Variants in MYO5A observed in about 807,000 individuals in gnomAD.
MYO5A encodes unconventional myosin-Va.
In MYO5A, 98 loss-of-function variants were observed where a neutral mutation model predicts 249.7. That is an observed-to-expected ratio of 0.39 (90% CI 0.33 to 0.46). The LOEUF (loss-of-function observed/expected upper bound fraction) is 0.46, where lower values mean the gene tolerates loss of function less well. Ranked by LOEUF, MYO5A falls within the 20% of genes least tolerant of loss-of-function variation. MYO5A has a pLI of 0.98. For missense variants in MYO5A, 1,696 were observed against 2,308.8 expected, an observed-to-expected ratio of 0.73 and a Z score of 5.44; for synonymous variants, 778 against 810.6, an observed-to-expected ratio of 0.96 and a Z score of 0.68.
intron 1 of MYO5A, among the ~76,000 whole-genome samples, chr15:52,458,645 AAAT>A (rs1371690781): frequency 6.6e-6 from 1 of 152,040 alleles, no homozygotes; most frequent in African/African-American, 2.4e-5. Context: ...AATAAAAAAG[AAAT>A]AATAAATGTT....
chr15:52,516,023 ATATAT>A (rs906267638), intron 1 of MYO5A, among the ~76,000 whole-genome samples: 1 of 152,214 alleles, frequency 6.6e-6, no homozygotes, highest in African/African-American at 2.4e-5. Flanking sequence ...GCATTTCTTA[ATATAT>A]TATAAGTCAG....
intron 1 of MYO5A, among the ~76,000 whole-genome samples, chr15:52,515,213 A>G (rs755983126): frequency 2.6e-5 from 4 of 151,844 alleles, no homozygotes; most frequent in Non-Finnish European, 4.4e-5. Context: ...CAAGGTCGAG[A>G]CTGCAGTGAG....
intron 1 of MYO5A, among the ~76,000 whole-genome samples, chr15:52,451,850 C>T (rs2076026698): frequency 6.6e-6 from 1 of 152,196 alleles, no homozygotes; most frequent in African/African-American, 2.4e-5. Flanking sequence ...GTTACGTTTT[C>T]TCAGATAACC....
intron 1 of MYO5A, chr15:52,505,773 T>G: frequency 6.4e-7 from 1 of 1,561,746 alleles, no homozygotes; most frequent in Non-Finnish European, 8.7e-7. Context: ...TTGAGGATGA[T>G]AAAGTTGGAA....
intron 29 of MYO5A, among the ~76,000 whole-genome samples, chr15:52,347,485 T>C (rs1349243616): frequency 6.6e-6 from 1 of 152,228 alleles, no homozygotes; most frequent in East Asian, 1.9e-4. Flanking sequence ...TGTCTGATTC[T>C]TTAGTAAACA....
chr15:52,433,412 A>AATT, intron 1 of MYO5A, 127 bp from the exon 2 acceptor site: 2 of 362,200 alleles, frequency 5.5e-6, no homozygotes, highest in Non-Finnish European at 9.9e-6. Flanking sequence ...CATGAAATTC[A>AATT]CTTTTTTTTT....
chr15:52,325,904 A>C (rs1280272549), intron 36 of MYO5A, among the ~76,000 whole-genome samples: 1 of 152,218 alleles, frequency 6.6e-6, no homozygotes, highest in Non-Finnish European at 1.5e-5. Flanking sequence ...TTTTTGCAAT[A>C]AACAAGCTGT....
intron 1 of MYO5A, among the ~76,000 whole-genome samples, chr15:52,470,308 TAGGGTTCTA>T (rs2076433845): frequency 6.6e-6 from 1 of 152,162 alleles, no homozygotes; most frequent in South Asian, 2.1e-4. Context: ...GTTGAATTCA[TAGGGTTCTA>T]GGTGGCCAGG....
intron 5 of MYO5A, among the ~76,000 whole-genome samples, 166 bp from the exon 6 acceptor site, chr15:52,410,642 A>G (rs1362701739): frequency 6.8e-6 from 1 of 146,102 alleles, no homozygotes; most frequent in Non-Finnish European, 1.5e-5. Flanking sequence ...GCTGGAGTGC[A>G]GTGGCACAAT....
intron 1 of MYO5A, among the ~76,000 whole-genome samples, chr15:52,497,958 C>T (rs1046047918): frequency 2.6e-5 from 4 of 151,806 alleles, no homozygotes; most frequent in South Asian, 2.1e-4. Context: ...AGTGTTGCTT[C>T]GAGGGAAATT....
chr15:52,335,908 C>T (rs1199792044), intron 34 of MYO5A, among the ~76,000 whole-genome samples: 3 of 152,174 alleles, frequency 2.0e-5, no homozygotes, highest in Non-Finnish European at 4.4e-5. Context: ...TACTATGCGT[C>T]AGTAACTTTT....
At chr15:52,377,145 C>T (rs926887399) in intron 18 of MYO5A, among the ~76,000 whole-genome samples, 2 of 152,128 alleles carry the variant, frequency 1.3e-5, no homozygotes, top group East Asian at 1.9e-4. Flanking sequence ...ACAAATTGGC[C>T]GGGTGTAGTG....
chr15:52,495,030 T>C (rs1230467436), intron 1 of MYO5A, among the ~76,000 whole-genome samples: 1 of 152,214 alleles, frequency 6.6e-6, no homozygotes, highest in Non-Finnish European at 1.5e-5. Flanking sequence ...ATTCTTGAGA[T>C]ATATGATATA....
At chr15:52,321,989 C>G (rs1311129530) in intron 37 of MYO5A, among the ~76,000 whole-genome samples, 1 of 152,112 alleles carries the variant, frequency 6.6e-6, no homozygotes, top group Non-Finnish European at 1.5e-5. Flanking sequence ...ACAAAAAGTT[C>G]TCTTTACTCT....
At position 52,450,254 on chromosome 15, in the gene MYO5A, AT is replaced by A. The variant is rs1182771168; in HGVS notation, c.28-16970del. On this transcript the variant is annotated intron_variant, in intron 1 of 41. Coordinates refer to ENST00000399233, the MANE Select transcript of MYO5A (RefSeq NM_001382347.1). Reference sequence around the variant, plus strand: ...CAATGAGGGTAATAATACCTACCACATAGGGGTATCATGAAGATTAAATCAG... The same window carrying A: ...CAATGAGGGTAATAATACCTACCACAAGGGGTATCATGAAGATTAAATCAG... 9.2e-5 allele frequency among the ~76,000 whole-genome samples: 14 copies of A among 152,266 alleles called. No homozygotes were observed. The East Asian group carries it at 2.5e-3, about 27-fold the overall frequency.
intron 1 of MYO5A, among the ~76,000 whole-genome samples, chr15:52,488,888 C>T (rs896536368): frequency 1.3e-5 from 2 of 152,148 alleles, no homozygotes; most frequent in South Asian, 2.1e-4. Context: ...TTTCTTAAAA[C>T]GCAAAACTCT....
intron 1 of MYO5A, among the ~76,000 whole-genome samples, chr15:52,443,151 G>C (rs1685488764): frequency 6.6e-6 from 1 of 152,076 alleles, no homozygotes; most frequent in South Asian, 2.1e-4. Flanking sequence ...ATGTCATCTG[G>C]TGAAACTTAA....
chr15:52,405,494 C>A, intron 8 of MYO5A, 101 bp from the exon 9 acceptor site: 1 of 850,688 alleles, frequency 1.2e-6, no homozygotes, highest in South Asian at 1.4e-5. Flanking sequence ...TGAATATTGC[C>A]AGATGTTGTG....
intron 1 of MYO5A, among the ~76,000 whole-genome samples, chr15:52,478,344 G>A (rs183907626): frequency 1.8e-4 from 28 of 152,248 alleles, no homozygotes; most frequent in African/African-American, 6.0e-4. Context: ...GGAATTCCCC[G>A]ACCCCTTGTG....
Sources: gnomAD v4.1 joint callset for allele counts (sites outside exome capture counted in the v4.1 genomes callset) on GRCh38, gnomAD v4.1.1 for gene constraint, MANE v1.5 for transcripts, NCBI Gene and HGNC (gene_info 2026-07-23, HGNC 2026-07-21) for gene names.